Variants in CAMKK2 observed in about 807,000 individuals in gnomAD.
CAMKK2 encodes calcium/calmodulin dependent protein kinase kinase 2, also known as calcium/calmodulin-dependent protein kinase kinase 2.
In CAMKK2, 30 loss-of-function variants were observed where a neutral mutation model predicts 67.2. That is an observed-to-expected ratio of 0.45 (90% CI 0.33 to 0.61). The LOEUF is 0.61. Ranked by LOEUF, CAMKK2 falls within the 20% of genes least tolerant of loss-of-function variation. The probability of loss-of-function intolerance (pLI) is 0.02; values close to 1 mark genes in which losing one functional copy is unlikely to be tolerated. For synonymous variants in CAMKK2, 322 were observed against 326.2 expected, an observed-to-expected ratio of 0.99 and a Z score of 0.14; for missense variants, 643 against 802.0, an observed-to-expected ratio of 0.80 and a Z score of 2.39.
At chr12:121,255,315 T>TATATATATATATAATTATATATATAA (rs1566059576) in intron 9 of CAMKK2, among the ~76,000 whole-genome samples, 1 of 5,622 alleles carries the variant, frequency 1.8e-4, no homozygotes, top group African/African-American at 5.8e-4. Flanking sequence ...TATATATAAT[T>TATATATATATATAATTATATATATAA]TTATATATAT....
At chr12:121,297,346 C>A (rs1901481720), upstream of CAMKK2, 3 of 318,594 alleles carry the variant, frequency 9.4e-6, no homozygotes. Flanking sequence ...CGGGGGAGCC[C>A]CCTTCCGCAG....
At chr12:121,292,076 A>G (rs1900139881) in intron 1 of CAMKK2, among the ~76,000 whole-genome samples, 1 of 152,102 alleles carries the variant, frequency 6.6e-6, no homozygotes, top group African/African-American at 2.4e-5. Flanking sequence ...TAAATAAAAT[A>G]AAACAAAATA....
chr12:121,263,988 C>T lies in CAMKK2; in HGVS notation c.626-49G>A, dbSNP rs1350445818. On this transcript the variant is annotated intron_variant, in intron 5 of 16. Coordinates refer to ENST00000404169, the MANE Select transcript of CAMKK2 (RefSeq NM_001270485.2). ...AGGGTCAGGGCAAAGAGACTTTCCT[C>T]CGCAGAGGGCAGCTGCAGGTGGGAT... 2 of 1,487,660 alleles carry T rather than the reference C, an allele frequency of 1.3e-6. 1 individual carries two copies. The highest frequency in any genetic ancestry group is 2.5e-5 in the South Asian group (2 of 79,264). 92.2% of individuals were successfully genotyped at this position (1,487,660 alleles called of 1,614,324 possible). A position where few individuals can be genotyped will look rare whatever the true frequency, so the allele number is the denominator to read the frequency against.
chr12:121,262,362 A>G (rs768867428), intron 6 of CAMKK2, among the ~76,000 whole-genome samples: 4 of 151,922 alleles, frequency 2.6e-5, no homozygotes, highest in Non-Finnish European at 5.9e-5. Flanking sequence ...AATACAAAAA[A>G]TTAGCCAGGC....
intron 6 of CAMKK2, among the ~76,000 whole-genome samples, chr12:121,263,253 CTGGT>C (rs1893841603): frequency 1.2e-5 from 1 of 82,164 alleles, no homozygotes; most frequent in Admixed American, 1.2e-4. Context: ...AGCCCTCTGT[CTGGT>C]TTGTTTGTTT....
chr12:121,275,391 G>A (rs554398369), intron 1 of CAMKK2, among the ~76,000 whole-genome samples: 29 of 150,820 alleles, frequency 1.9e-4, no homozygotes, highest in African/African-American at 6.4e-4. Flanking sequence ...GGCTGAGGCA[G>A]GAGAATCGCT....
At chr12:121,248,505 C>T (rs1347848568) in intron 14 of CAMKK2, 101 bp downstream of exon 14, 12 of 1,408,330 alleles carry the variant, frequency 8.5e-6, no homozygotes, top group Non-Finnish European at 1.2e-5. Context: ...GGCCCCCGGA[C>T]ATCTGACTCC....
In CAMKK2 at chr12:121,245,071, G is replaced by T; in HGVS notation, c.1553+69C>A. ...AGGGAGGACCTGTGCAGAGTGGTCT[G>T]GGCAGGGCTGCCCCAAGCCTAGCCT... On this transcript the variant is annotated intron_variant, in intron 15 of 16. Coordinates refer to ENST00000404169, the MANE Select transcript of CAMKK2 (RefSeq NM_001270485.2). The surrounding 1 kb of genome is among the most constrained non-coding windows in gnomAD (Gnocchi z 5.8). 1 of 1,099,660 alleles carries T rather than the reference G, an allele frequency of 9.1e-7. No individual in the cohort carries two copies. The highest frequency in any genetic ancestry group is 1.3e-5 in the South Asian group (1 of 74,504). The allele number at this position is 1,099,660 out of a possible 1,614,324, so 68.1% of individuals were successfully genotyped here.
intron 1 of CAMKK2, among the ~76,000 whole-genome samples, chr12:121,280,155 G>A (rs997331094): frequency 1.3e-5 from 2 of 152,252 alleles, no homozygotes; most frequent in Non-Finnish European, 2.9e-5. Context: ...GGAGGGACCG[G>A]CTAAAGCCAT....
In CAMKK2 at chr12:121,253,260, G is replaced by A; in HGVS notation, c.1107+13C>T. ...CAGGCAGAACTCTGTGGCTGAGGCA[G>A]GCCCAAGCTTACCTTCCCAGAGAAG... On this transcript the variant is annotated intron_variant, in intron 10 of 16. Coordinates refer to ENST00000404169, the MANE Select transcript of CAMKK2 (RefSeq NM_001270485.2). This position sits in a 1 kb window ranked among gnomAD's most constrained non-coding sequence, Gnocchi z 5.0. 1.2e-6 allele frequency: 2 copies of A among 1,612,818 alleles called. No individual in the cohort carries two copies. Among genetic ancestry groups the A allele is most frequent in the Non-Finnish European group, 1.7e-6 (2 of 1,178,858 alleles).
chr12:121,282,006 A>G (rs1258204698), intron 1 of CAMKK2, among the ~76,000 whole-genome samples: 1 of 152,182 alleles, frequency 6.6e-6, no homozygotes, highest in Non-Finnish European at 1.5e-5. Context: ...GAAGACCAGG[A>G]TATGATCAAA....
chr12:121,253,423 C>G lies in CAMKK2; in HGVS notation c.957G>C (p.Leu319=). ...IHRDIKPSNL[L]VGEDGHIKIA... ...TCTTGATGTGCCCATCTTCTCCGAC[C>G]AGGAGGTTGGAAGGTTTGATGTCAC... Residue 319 remains leucine, a synonymous_variant, in exon 10 of 17, where the codon CTG becomes CTC. Transcript: ENST00000404169. This position sits in a 1 kb window ranked among gnomAD's most constrained non-coding sequence, Gnocchi z 5.0. 2 of 1,614,098 alleles carry G rather than the reference C, an allele frequency of 1.2e-6. No individual in the cohort carries two copies. Among genetic ancestry groups the G allele is most frequent in the Non-Finnish European group, 1.7e-6 (2 of 1,180,016 alleles).
intron 16 of CAMKK2, among the ~76,000 whole-genome samples, chr12:121,243,346 T>C (rs938850408): frequency 9.0e-5 from 12 of 134,070 alleles, no homozygotes; most frequent in African/African-American, 3.5e-4. Context: ...GTCAATCCAT[T>C]TCATCTCGTA....
rs139551271 is a variant in CAMKK2, at chr12:121,253,751, C to T, written c.908-279G>A. 9.1e-4 allele frequency among the ~76,000 whole-genome samples: 139 copies of T among 152,268 alleles called. No homozygotes were observed. Among genetic ancestry groups the T allele is most frequent in the Non-Finnish European group, 1.5e-3 (105 of 68,036 alleles). ...AACACTGCCAATAGCAATTCGTAAT[C>T]GCCTGTTATTTATTAAGTCACAAGT... is the stretch of plus-strand genomic sequence containing the variant. On this transcript the variant is annotated intron_variant, in intron 9 of 16. Coordinates refer to ENST00000404169, the MANE Select transcript of CAMKK2 (RefSeq NM_001270485.2). This position sits in a 1 kb window ranked among gnomAD's most constrained non-coding sequence, Gnocchi z 5.0.
intron 3 of CAMKK2, among the ~76,000 whole-genome samples, chr12:121,270,301 C>T (rs1347197462): frequency 6.7e-6 from 1 of 150,286 alleles, no homozygotes; most frequent in Non-Finnish European, 1.5e-5. Flanking sequence ...GCCTAGGAGG[C>T]AGAGGTTGCA....
In CAMKK2 at chr12:121,259,820, T is replaced by C. The variant is rs559924023; in HGVS notation, c.796+499A>G. Among the ~76,000 whole-genome samples, 7 of 151,832 alleles carry C rather than the reference T, an allele frequency of 4.6e-5. No individual in the cohort carries two copies. In the South Asian group the frequency reaches 6.3e-4, roughly 14 times the overall value. On this transcript the variant is annotated intron_variant, in intron 7 of 16. Coordinates refer to ENST00000404169, the MANE Select transcript of CAMKK2 (RefSeq NM_001270485.2). The stretch of plus-strand genomic sequence containing the variant: ...AGAACAGTGCCCACCATATAGGAGG[T>C]TGTCAATATATACATGCTTTGGGAG...
At chr12:121,252,396 G>A (rs1890915261) in intron 11 of CAMKK2, among the ~76,000 whole-genome samples, 1 of 152,252 alleles carries the variant, frequency 6.6e-6, no homozygotes, top group Non-Finnish European at 1.5e-5. Context: ...AGCCTCCAGA[G>A]TAGCTGGGAC....
chr12:121,283,966 C>T (rs777939638), intron 1 of CAMKK2, among the ~76,000 whole-genome samples: 4 of 152,244 alleles, frequency 2.6e-5, no homozygotes, highest in East Asian at 1.9e-4. Flanking sequence ...GGCAACCACT[C>T]GCTGCAGCTC....
intron 16 of CAMKK2, chr12:121,243,832 T>A (rs1888863026): frequency 7.8e-7 from 1 of 1,285,528 alleles, no homozygotes; most frequent in Admixed American, 3.5e-5. Context: ...AGTAAAGCTA[T>A]GTTTAAGAAA....
Sources: gnomAD v4.1 joint callset for allele counts (sites outside exome capture counted in the v4.1 genomes callset) on GRCh38, gnomAD v4.1.1 for gene constraint, Gnocchi (gnomAD v3.1) non-coding constraint, MANE v1.5 for transcripts, NCBI Gene and HGNC (gene_info 2026-07-23, HGNC 2026-07-21) for gene names.